The following SGSH variants were observed in gnomAD, a reference collection of about 807,000 sequenced individuals.
The protein encoded by SGSH is N-sulfoglucosamine sulfohydrolase.
A neutral mutation model predicts 51.0 loss-of-function variants in SGSH; 48 were observed. The ratio of observed to expected loss-of-function variants is 0.94; its 90% CI spans 0.75 to 1.20. The LOEUF is 1.20. Ranked by LOEUF, SGSH falls within the 50% of genes most tolerant of loss-of-function variation. The pLI, the probability that SGSH is intolerant of heterozygous loss-of-function variation, is 0.00. For synonymous variants in SGSH, 321 were observed against 313.4 expected, an observed-to-expected ratio of 1.02 and a Z score of -0.26; for missense variants, 662 against 717.8, an observed-to-expected ratio of 0.92 and a Z score of 0.89.
chr17:80,204,932 G>T (rs1239400981), downstream of SGSH: 2 of 961,380 alleles, frequency 2.1e-6, no homozygotes, highest in Non-Finnish European at 3.0e-6. Context: ...TAGGTGCTGG[G>T]GCTGCTGCAG....
intron 2 of SGSH, 88 bp from the exon 3 acceptor site, chr17:80,215,226 A>G (rs1188352716): frequency 4.2e-6 from 4 of 947,106 alleles, no homozygotes; most frequent in Non-Finnish European, 6.6e-6. Flanking sequence ...TCCCATCCCC[A>G]GGGGCCTTCT....
chr17:80,214,178 G>A lies in SGSH; in HGVS notation c.657C>T (p.Asp219=), dbSNP rs756315850. Residue 219 remains aspartate (D), a synonymous_variant, in exon 5 of 8, where the codon GAC becomes GAT. Transcript: ENST00000326317. The stretch of plus-strand genomic sequence containing the variant: ...ACAGGAGGGGCCGTCCTACCAGCAC[G>A]TCCAGTGGGTCGTAGGCCTGGGGGG... ...DWTPQAYDPL[D]VLVPYFVPNT... is the part of the protein sequence containing the mutation. 14 of 1,608,958 alleles carry A rather than the reference G, an allele frequency of 8.7e-6. No homozygotes were observed. In the South Asian group the frequency reaches 1.3e-4, roughly 15 times the overall value.
chr17:80,210,369 TC>T lies in SGSH; in HGVS notation c.*82del. On this transcript the variant is annotated 3_prime_UTR_variant, in exon 8 of 8. Coordinates refer to ENST00000326317, the MANE Select transcript of SGSH (RefSeq NM_000199.5). ...TGGACGGAAGGGCTGTTGCCACTAC[TC>T]CCCAGGCTGGCCGGCCACACGGACA... The T allele has an allele frequency of 6.8e-7, 1 of 1,473,826 alleles. No homozygotes were observed. Among genetic ancestry groups the T allele is most frequent in the Non-Finnish European group, 9.0e-7 (1 of 1,112,750 alleles). The allele number at this position is 1,473,826 out of a possible 1,614,324, so 91.3% of individuals were successfully genotyped here. A position where few individuals can be genotyped will look rare whatever the true frequency, so the allele number is the denominator to read the frequency against.
chr17:80,202,217 G>T (rs779586966), downstream of SGSH: 1 of 1,614,004 alleles, frequency 6.2e-7, no homozygotes. Context: ...AGGCCAAAGT[G>T]GCGACCTCGG....
chr17:80,215,673 G>T (rs2041863637), intron 2 of SGSH, among the ~76,000 whole-genome samples: 1 of 152,158 alleles, frequency 6.6e-6, no homozygotes, highest in Admixed American at 6.5e-5. Flanking sequence ...ACAAAAATTA[G>T]CTGGGCGTGG....
chr17:80,206,957 C>T, downstream of SGSH: 1 of 1,594,774 alleles, frequency 6.3e-7, no homozygotes, highest in Non-Finnish European at 8.6e-7. Flanking sequence ...CTTCTTCTCT[C>T]CCTCCCACAA....
In SGSH at chr17:80,217,129, T is replaced by TC; in HGVS notation, c.151dup (p.Asp51GlyfsTer85). 6.2e-7 allele frequency: 1 copy of TC among 1,601,062 alleles called. No homozygotes were observed. The highest frequency in any genetic ancestry group is 8.5e-7 in the Non-Finnish European group (1 of 1,175,792). Reference sequence around the variant, plus strand: ...GAGGAGGCTGCGGCGGGCCAAGGCGTCCAGGTGCGGGGTGGCGATGGCGCT... The same window carrying TC: ...GAGGAGGCTGCGGCGGGCCAAGGCGTCCCAGGTGCGGGGTGGCGATGGCGCT... On this transcript the variant is annotated frameshift_variant, in exon 2 of 8. Transcript: ENST00000326317. LOFTEE classifies it high-confidence loss of function.
chr17:80,201,176 A>G, the SGSH span: 1 of 154,682 alleles, frequency 6.5e-6, no homozygotes, highest in African/African-American at 2.4e-5. The surrounding 1 kb of genome is among the most constrained non-coding windows in gnomAD (Gnocchi z 5.0). Context: ...GTTAAAACAC[A>G]TCTTAATTTT....
downstream of SGSH, chr17:80,209,250 A>C: frequency 4.5e-6 from 4 of 883,414 alleles, no homozygotes; most frequent in Non-Finnish European, 5.4e-6. Flanking sequence ...AAGCTGTTCT[A>C]GAATTCAGGT....
chr17:80,220,074 G>A, intron 1 of SGSH, 152 bp downstream of exon 1: 3 of 566,116 alleles, frequency 5.3e-6, no homozygotes, highest in South Asian at 2.3e-5. Context: ...GAGTCTGGGG[G>A]CGGCACAGAG....
chr17:80,220,313 TGGC>T lies in SGSH; in HGVS notation c.-3_-1del, dbSNP rs1555624208. On this transcript the variant is annotated 5_prime_UTR_variant, in exon 1 of 8. Transcript: ENST00000326317. ...CAGCAGGCGGGCACGGGGCAGCTCA[TGGC>T]GGCGGCGGCTCGGACTCGGGATCGG... 7 of 1,491,336 alleles carry T rather than the reference TGGC, an allele frequency of 4.7e-6. No individual in the cohort carries two copies. Among genetic ancestry groups the T allele is most frequent in the East Asian group, 2.8e-5 (1 of 35,840 alleles). The allele number at this position is 1,491,336 out of a possible 1,614,324, so 92.4% of individuals were successfully genotyped here. A position where few individuals can be genotyped will look rare whatever the true frequency, so the allele number is the denominator to read the frequency against.
chr17:80,208,034 C>A, downstream of SGSH: 1 of 836,892 alleles, frequency 1.2e-6, no homozygotes, highest in Non-Finnish European at 1.8e-6. Flanking sequence ...AGCGAGGCCA[C>A]CTGTGTTTAG....
intron 2 of SGSH, 63 bp downstream of exon 2, chr17:80,216,969 T>A: frequency 6.9e-7 from 1 of 1,457,290 alleles, no homozygotes. Context: ...GGCAGAGGCC[T>A]GGGCCCCGGA....
chr17:80,216,245 C>T (rs2144770856), intron 2 of SGSH, among the ~76,000 whole-genome samples: 1 of 152,130 alleles, frequency 6.6e-6, no homozygotes, highest in Middle Eastern at 3.4e-3. Context: ...AGGAGACTCG[C>T]TGGAACCGGG....
downstream of SGSH, chr17:80,206,862 G>C (rs1241193498): frequency 3.3e-6 from 2 of 614,808 alleles, no homozygotes; most frequent in Non-Finnish European, 5.6e-6. Flanking sequence ...CCCAGCTCCT[G>C]CCCTGCCCTC....
intron 1 of SGSH, among the ~76,000 whole-genome samples, chr17:80,217,965 A>AG (rs1218690894): frequency 6.6e-6 from 1 of 152,070 alleles, no homozygotes; most frequent in African/African-American, 2.4e-5. Context: ...TACCCAGGCA[A>AG]GCCTGGTACC....
downstream of SGSH, chr17:80,206,890 C>T: frequency 2.0e-6 from 2 of 1,000,552 alleles, no homozygotes; most frequent in East Asian, 2.7e-5. Context: ...CCGGAGGGCC[C>T]TTCTGACCTG....
At chr17:80,211,959 G>C (rs778010810) in intron 7 of SGSH, 112 bp downstream of exon 7, 7 of 866,444 alleles carry the variant, frequency 8.1e-6, no homozygotes, top group Non-Finnish European at 1.3e-5. Flanking sequence ...TCCTCACCCA[G>C]ATGATATGAG....
At chr17:80,211,237 C>T in intron 7 of SGSH, 1 of 1,344,624 alleles carries the variant, frequency 7.4e-7, no homozygotes, top group South Asian at 1.5e-5. Context: ...TAGGATCCTT[C>T]TAAAATCCCA....
Sources: allele counts gnomAD v4.1 joint callset (sites outside exome capture counted in the v4.1 genomes callset), GRCh38; gene constraint gnomAD v4.1.1; non-coding constraint Gnocchi (gnomAD v3.1); transcripts MANE v1.5; gene names NCBI Gene and HGNC (gene_info 2026-07-23, HGNC 2026-07-21).